FKBP5: variants seen among roughly 807,000 people sequenced by gnomAD.
FKBP5 encodes the protein peptidyl-prolyl cis-trans isomerase FKBP5.
A neutral mutation model predicts 50.5 loss-of-function variants in FKBP5; 23 were observed. That is an observed-to-expected ratio of 0.46 (90% CI 0.33 to 0.65). FKBP5 has a LOEUF of 0.65. Ranked by LOEUF, FKBP5 falls within the 30% of genes least tolerant of loss-of-function variation. The probability of loss-of-function intolerance (pLI) is 0.02; values close to 1 mark genes in which losing one functional copy is unlikely to be tolerated. For synonymous variants in FKBP5, 176 were observed against 190.6 expected (o/e 0.92, Z 0.63); for missense variants, 411 against 553.1 (o/e 0.74, Z 2.58).
At chr6:35,630,170 A>AAC (rs1554134047) in intron 3 of FKBP5, among the ~76,000 whole-genome samples, 5 of 146,640 alleles carry the variant, frequency 3.4e-5, no homozygotes, top group African/African-American at 1.2e-4. Flanking sequence ...AGGAGGAAGA[A>AAC]AGAGAGAGAG....
rs752983745 is a variant in FKBP5, at chr6:35,575,881, G to A, written c.1328C>T (p.Thr443Ile). 6.2e-7 allele frequency: 1 copy of A among 1,613,982 alleles called. No individual in the cohort carries two copies. The highest frequency in any genetic ancestry group is 1.7e-5 in the Admixed American group (1 of 60,014). ...TSEGVTNEKG[T>I]DSQAMEEEKP... ...CTCTTCTTCCATTGCTTGACTGTCT[G>A]TTCCTTTTTCATTAGTGACCCCTTC... Residue 443 changes from threonine to isoleucine, a missense_variant, in exon 11 of 11, where the codon ACA becomes ATA. This residue lies in a region of FKBP5 where 88 missense variants were observed against 89.0 expected (regional missense o/e 0.99). Coordinates refer to ENST00000357266, the MANE Select transcript of FKBP5 (RefSeq NM_004117.4).
chr6:35,592,235 C>A (rs1046995616), intron 6 of FKBP5, among the ~76,000 whole-genome samples: 39 of 152,320 alleles, frequency 2.6e-4, no homozygotes, highest in African/African-American at 9.1e-4. Flanking sequence ...TCAAAACCGA[C>A]TTAATCTAAT....
At chr6:35,643,377 T>C (rs1335728810) in intron 1 of FKBP5, among the ~76,000 whole-genome samples, 1 of 152,208 alleles carries the variant, frequency 6.6e-6, no homozygotes, top group African/African-American at 2.4e-5. Flanking sequence ...ACACTATTCA[T>C]AGTTACAGTG....
At chr6:35,629,526 A>AAAC (rs201278108) in intron 3 of FKBP5, among the ~76,000 whole-genome samples, 92 of 152,314 alleles carry the variant, frequency 6.0e-4, no homozygotes, top group African/African-American at 2.1e-3. Flanking sequence ...ACAAACAAAC[A>AAAC]AACAGGGAAA....
At chr6:35,605,688 G>A (rs553961093) in intron 5 of FKBP5, among the ~76,000 whole-genome samples, 2 of 152,034 alleles carry the variant, frequency 1.3e-5, no homozygotes, top group Admixed American at 1.3e-4. Context: ...GTGAACCACT[G>A]CACCCAGCCG....
intron 1 of FKBP5, among the ~76,000 whole-genome samples, chr6:35,681,109 T>C (rs1234789698): frequency 6.6e-6 from 1 of 152,240 alleles, no homozygotes; most frequent in Non-Finnish European, 1.5e-5. Context: ...AACTGAGGTA[T>C]TTCATGTTTT....
chr6:35,578,157 A>C (rs1762288295), intron 9 of FKBP5, among the ~76,000 whole-genome samples: 2 of 152,114 alleles, frequency 1.3e-5, no homozygotes, highest in East Asian at 3.9e-4. Context: ...AAAATGTTTC[A>C]ATTATTTTTT....
At chr6:35,719,878 C>T (rs1010230825) in intron 2 of FKBP5, among the ~76,000 whole-genome samples, 5 of 152,194 alleles carry the variant, frequency 3.3e-5, no homozygotes, top group African/African-American at 7.2e-5. Context: ...TTTCCGTACC[C>T]GGCCTCCTCC....
chr6:35,678,380 G>A (rs186876557), intron 1 of FKBP5, among the ~76,000 whole-genome samples: 3 of 152,280 alleles, frequency 2.0e-5, no homozygotes, highest in Non-Finnish European at 2.9e-5. Context: ...AGAGGTGGCA[G>A]TTAAAGCACT....
intron 1 of FKBP5, chr6:35,728,442 C>A (rs923054468): frequency 3.9e-5 from 6 of 152,450 alleles, no homozygotes; most frequent in African/African-American, 1.4e-4. Flanking sequence ...CTCTCCTCAC[C>A]CCACCCGACA....
At chr6:35,644,097 T>C (rs991277388) in intron 1 of FKBP5, among the ~76,000 whole-genome samples, 7 of 152,240 alleles carry the variant, frequency 4.6e-5, no homozygotes, top group East Asian at 1.9e-4. Flanking sequence ...ATAATGTGTA[T>C]TTTTAAGGTA....
intron 3 of FKBP5, among the ~76,000 whole-genome samples, chr6:35,631,073 A>G (rs1223771103): frequency 6.6e-6 from 1 of 152,234 alleles, no homozygotes; most frequent in East Asian, 1.9e-4. Context: ...ATCACTAGTC[A>G]TCAGGGAAAT....
chr6:35,667,017 GTC>G (rs2151002592), intron 1 of FKBP5, among the ~76,000 whole-genome samples: 2 of 85,084 alleles, frequency 2.4e-5, no homozygotes, highest in East Asian at 3.8e-4. Flanking sequence ...TTGTGTGTGT[GTC>G]TGTGTGTGTG....
chr6:35,593,563 T>G (rs1762886416), intron 6 of FKBP5, among the ~76,000 whole-genome samples: 1 of 152,080 alleles, frequency 6.6e-6, no homozygotes, highest in Non-Finnish European at 1.5e-5. Flanking sequence ...TTTTTTTATT[T>G]TTATTTTTGA....
At chr6:35,618,887 G>T (rs1314641931) in intron 5 of FKBP5, among the ~76,000 whole-genome samples, 10 of 151,884 alleles carry the variant, frequency 6.6e-5, no homozygotes, top group Admixed American at 6.6e-4. Context: ...GTAGAGATGG[G>T]GTTTCGCCAT....
chr6:35,582,695 C>T, intron 8 of FKBP5: 2 of 985,230 alleles, frequency 2.0e-6, no homozygotes, highest in Non-Finnish European at 2.4e-6. Flanking sequence ...TAAATTTTGT[C>T]ATAGTCTTAG....
intron 1 of FKBP5, among the ~76,000 whole-genome samples, chr6:35,662,083 A>T (rs1424529183): frequency 2.0e-5 from 3 of 152,098 alleles, no homozygotes; most frequent in South Asian, 2.1e-4. Context: ...TTTTTAATAG[A>T]GACAAGGTCT....
chr6:35,652,934 T>C (rs1764850637), intron 1 of FKBP5, among the ~76,000 whole-genome samples: 1 of 152,220 alleles, frequency 6.6e-6, no homozygotes, highest in South Asian at 2.1e-4. Context: ...TACTCTGTCC[T>C]TTTATTTCTC....
At chr6:35,716,229 C>T (rs1420888704) in intron 2 of FKBP5, among the ~76,000 whole-genome samples, 3 of 151,916 alleles carry the variant, frequency 2.0e-5, no homozygotes, top group Admixed American at 6.6e-5. Flanking sequence ...AAAAATTAGC[C>T]GGGTATGGTG....
Sources: gnomAD v4.1 joint callset for allele counts (sites outside exome capture counted in the v4.1 genomes callset) on GRCh38, gnomAD v4.1.1 for gene constraint, gnomAD v4.1.1 regional missense constraint, MANE v1.5 for transcripts, NCBI Gene and HGNC (gene_info 2026-07-23, HGNC 2026-07-21) for gene names.